CCDC178: variants seen among roughly 807,000 people sequenced by gnomAD.
CCDC178 encodes coiled-coil domain-containing protein 178.
Under a neutral mutation model 117.4 loss-of-function variants are expected in CCDC178, and 126 were observed. The observed-to-expected ratio is 1.07, with a 90% CI of 0.93 to 1.24. CCDC178 has a LOEUF of 1.24. Ranked by LOEUF, CCDC178 falls within the 50% of genes most tolerant of loss-of-function variation. The pLI, the probability that CCDC178 is intolerant of heterozygous loss-of-function variation, is 0.00. For synonymous variants in CCDC178, 283 were observed against 313.4 expected (o/e 0.90, Z 1.02); for missense variants, 1,030 against 986.9 (o/e 1.04, Z -0.59).
At chr18:32,963,959 T>C (rs2054759141) in intron 22 of CCDC178, among the ~76,000 whole-genome samples, 1 of 152,070 alleles carries the variant, frequency 6.6e-6, no homozygotes, top group Non-Finnish European at 1.5e-5. Context: ...TACATTATGT[T>C]GGTAATCAAT....
chr18:33,017,806 T>C (rs750485646), intron 21 of CCDC178, among the ~76,000 whole-genome samples: 12 of 151,884 alleles, frequency 7.9e-5, no homozygotes, highest in Non-Finnish European at 1.3e-4. Flanking sequence ...AAATGGATCA[T>C]AGACATAAAT....
In CCDC178 at chr18:33,229,616, T is replaced by C. The variant is rs546750156; in HGVS notation, c.1594-2761A>G. Among the ~76,000 whole-genome samples, 7 of 152,248 alleles carry C rather than the reference T, an allele frequency of 4.6e-5. No homozygotes were observed. The East Asian group carries it at 1.4e-3, about 29-fold the overall frequency. ...GCAATTGATGGAACCAGGATACTAA[T>C]TTACACAATGTGACAGAGAGCATCT... On this transcript the variant is annotated intron_variant, in intron 15 of 22. Coordinates refer to ENST00000383096, the MANE Select transcript of CCDC178 (RefSeq NM_001105528.4).
intron 20 of CCDC178, among the ~76,000 whole-genome samples, chr18:33,203,365 T>C (rs1217774599): frequency 6.6e-6 from 1 of 152,144 alleles, no homozygotes; most frequent in African/African-American, 2.4e-5. Context: ...ATAATTTTTC[T>C]TTTTTATTAG....
chr18:33,278,809 A>T (rs2059985692), intron 12 of CCDC178, among the ~76,000 whole-genome samples: 1 of 152,188 alleles, frequency 6.6e-6, no homozygotes, highest in African/African-American at 2.4e-5. Context: ...ATATACGCAA[A>T]TCAATAAATG....
intron 2 of CCDC178, among the ~76,000 whole-genome samples, chr18:33,430,570 T>C (rs2064198437): frequency 6.6e-6 from 1 of 152,180 alleles, no homozygotes; most frequent in Admixed American, 6.5e-5. Flanking sequence ...AGAAGCCATG[T>C]GATCCAGATG....
chr18:33,226,930 A>G, intron 15 of CCDC178, 75 bp from the exon 16 acceptor site: 2 of 670,700 alleles, frequency 3.0e-6, no homozygotes, highest in Non-Finnish European at 5.1e-6. Context: ...ACAATTGCTA[A>G]TATAAGACAC....
chr18:33,121,767 C>T (rs1050772917), intron 20 of CCDC178, among the ~76,000 whole-genome samples: 1 of 152,090 alleles, frequency 6.6e-6, no homozygotes, highest in Non-Finnish European at 1.5e-5. Flanking sequence ...ACCTTCACTG[C>T]AGAGTTGTGA....
At chr18:33,423,515 G>A (rs1490967081) in intron 2 of CCDC178, among the ~76,000 whole-genome samples, 1 of 151,928 alleles carries the variant, frequency 6.6e-6, no homozygotes, top group Non-Finnish European at 1.5e-5. Flanking sequence ...CACTTCCATT[G>A]TTTTTAAATA....
intron 20 of CCDC178, among the ~76,000 whole-genome samples, chr18:33,125,058 T>A (rs572399749): frequency 7.2e-4 from 109 of 152,254 alleles, no homozygotes; most frequent in African/African-American, 2.5e-3. Context: ...AGGAGATTTT[T>A]TTTTTCCTGT....
intron 22 of CCDC178, among the ~76,000 whole-genome samples, chr18:32,944,813 A>C (rs1316031534): frequency 6.6e-6 from 1 of 152,142 alleles, no homozygotes; most frequent in Non-Finnish European, 1.5e-5. Context: ...CATGGTAGTG[A>C]ATAAATCTCA....
intron 20 of CCDC178, among the ~76,000 whole-genome samples, chr18:33,130,920 T>A (rs2058063541): frequency 6.6e-6 from 1 of 151,894 alleles, no homozygotes; most frequent in Non-Finnish European, 1.5e-5. Context: ...TGTCAGCAAA[T>A]TAGAGCATAA....
rs191213714 is a variant in CCDC178, at chr18:33,402,582, C to T, written c.59-5374G>A. ...CAGGAAAAAGTCAGGCTAATATTAT[C>T]GGAAAGAAGAGATTTAAAGGAATTA... is the stretch of plus-strand genomic sequence containing the variant. On this transcript the variant is annotated intron_variant, in intron 3 of 22. Transcript: ENST00000383096. Among the ~76,000 whole-genome samples the T allele has an allele frequency of 1.1e-4, 16 of 152,256 alleles. No homozygotes were observed. The East Asian group carries it at 2.3e-3, about 22-fold the overall frequency.
chr18:32,972,398 A>C (rs1443369377), intron 22 of CCDC178, among the ~76,000 whole-genome samples: 1 of 152,162 alleles, frequency 6.6e-6, no homozygotes, highest in Non-Finnish European at 1.5e-5. Context: ...TGGTACCAGT[A>C]CCATGCTGCT....
intron 21 of CCDC178, among the ~76,000 whole-genome samples, chr18:32,982,104 A>G (rs2055165656): frequency 6.6e-6 from 1 of 152,158 alleles, no homozygotes; most frequent in Non-Finnish European, 1.5e-5. Flanking sequence ...TGTGTCTTAC[A>G]GAACATAAAT....
chr18:33,208,808 A>G (rs1222560747), intron 20 of CCDC178, among the ~76,000 whole-genome samples: 1 of 152,024 alleles, frequency 6.6e-6, no homozygotes, highest in Non-Finnish European at 1.5e-5. Context: ...TAGCCAGAGG[A>G]AGAGGTATTT....
intron 15 of CCDC178, among the ~76,000 whole-genome samples, chr18:33,236,768 A>G (rs564851115): frequency 1.3e-5 from 2 of 152,256 alleles, no homozygotes; most frequent in African/African-American, 2.4e-5. Flanking sequence ...AACTCTGGTA[A>G]TTGGAAGTCC....
chr18:33,349,767 G>T (rs1004617742), intron 7 of CCDC178, among the ~76,000 whole-genome samples: 3 of 151,606 alleles, frequency 2.0e-5, no homozygotes, highest in Non-Finnish European at 3.0e-5. Context: ...TAAGAAAACT[G>T]TATACATACC....
intron 20 of CCDC178, among the ~76,000 whole-genome samples, chr18:33,152,308 T>C (rs922461208): frequency 3.3e-5 from 5 of 152,098 alleles, no homozygotes; most frequent in Non-Finnish European, 1.5e-5. Context: ...ACCAAAATCA[T>C]TTTCAAATAC....
At position 32,937,911 on chromosome 18, in the gene CCDC178, G is replaced by T; in HGVS notation, c.*100C>A. ...GAGTGAGTTTTTCGTTCATGGAAGT[G>T]TGAAATGGCAAACAGGTGAATGTCC... On this transcript the variant is annotated 3_prime_UTR_variant, in exon 23 of 23. Transcript: ENST00000383096. The T allele has an allele frequency of 2.2e-6, 2 of 910,586 alleles. No homozygotes were observed. The highest frequency in any genetic ancestry group is 3.5e-6 in the Non-Finnish European group (2 of 563,428). The allele number at this position is 910,586 out of a possible 1,614,324, so 56.4% of individuals were successfully genotyped here. A position where few individuals can be genotyped will look rare whatever the true frequency, so the allele number is the denominator to read the frequency against.
Sources: gnomAD v4.1 joint callset for allele counts (sites outside exome capture counted in the v4.1 genomes callset) on GRCh38, gnomAD v4.1.1 for gene constraint, MANE v1.5 for transcripts, NCBI Gene and HGNC (gene_info 2026-07-23, HGNC 2026-07-21) for gene names.